The following THOC1 variants were observed in gnomAD, a reference collection of about 807,000 sequenced individuals.
The protein encoded by THOC1 is THO complex 1.
A neutral mutation model predicts 97.3 loss-of-function variants in THOC1; 29 were observed. That is an observed-to-expected ratio of 0.30 (90% CI 0.22 to 0.41). THOC1 has a LOEUF of 0.41. Ranked by LOEUF, THOC1 falls within the 10% of genes least tolerant of loss-of-function variation. The pLI is 1.00. For synonymous variants in THOC1, 255 were observed against 257.0 expected (o/e 0.99, Z 0.07); for missense variants, 529 against 761.9 (o/e 0.69, Z 3.60).
chr18:246,293 A>G (rs1375609282), intron 11 of THOC1, 31 bp downstream of exon 11: 2 of 1,441,232 alleles, frequency 1.4e-6, no homozygotes, highest in Non-Finnish European at 9.5e-7. Flanking sequence ...ACCATTTCTT[A>G]TTATGCTTAA....
intron 7 of THOC1, among the ~76,000 whole-genome samples, chr18:256,403 A>G (rs1192476480): frequency 1.3e-5 from 2 of 152,260 alleles, no homozygotes; most frequent in African/African-American, 4.8e-5. Flanking sequence ...AAGTAACTGC[A>G]GATCTACGTA....
intron 4 of THOC1, chr18:263,418 A>G (rs908816794): frequency 1.3e-5 from 2 of 152,320 alleles, no homozygotes; most frequent in Admixed American, 6.6e-5. Context: ...GCCCTTTATA[A>G]ATGGACCTAA....
At chr18:235,587 GTTC>G (rs1282086706) in intron 11 of THOC1, among the ~76,000 whole-genome samples, 2 of 151,918 alleles carry the variant, frequency 1.3e-5, no homozygotes, top group East Asian at 1.9e-4. Context: ...TCCATTATGA[GTTC>G]TTCTTTAACT....
At chr18:221,696 C>G (rs1046258152) in intron 17 of THOC1, among the ~76,000 whole-genome samples, 13 of 150,952 alleles carry the variant, frequency 8.6e-5, no homozygotes, top group South Asian at 2.1e-4. Context: ...GCAAGCTCCG[C>G]CTCCCAGGTT....
chr18:217,098 T>C (rs1450505861), intron 18 of THOC1, among the ~76,000 whole-genome samples: 2 of 152,372 alleles, frequency 1.3e-5, no homozygotes, highest in East Asian at 1.9e-4. Context: ...GTCAGAAATA[T>C]GCAATGCTGC....
At chr18:259,297 C>T (rs758153771) in intron 6 of THOC1, 22 bp from the exon 7 acceptor site, 27 of 1,546,674 alleles carry the variant, frequency 1.7e-5, no homozygotes, top group Middle Eastern at 1.7e-4. Flanking sequence ...TGAAAATGAA[C>T]GTTACACAGA....
At chr18:246,916 C>CAAAAAA (rs36101469) in intron 10 of THOC1, among the ~76,000 whole-genome samples, 1 of 98,226 alleles carries the variant, frequency 1.0e-5, no homozygotes, top group Non-Finnish European at 2.1e-5. Context: ...GGCTCCGTCT[C>CAAAAAA]AAAAAAAAAA....
intron 1 of THOC1, among the ~76,000 whole-genome samples, chr18:266,157 T>C (rs1201306811): frequency 6.6e-6 from 1 of 152,234 alleles, no homozygotes; most frequent in African/African-American, 2.4e-5. Flanking sequence ...AAAGTAATCA[T>C]AACTTAAAGA....
At chr18:241,734 C>T (rs1361092371) in intron 11 of THOC1, among the ~76,000 whole-genome samples, 1 of 152,192 alleles carries the variant, frequency 6.6e-6, no homozygotes. Flanking sequence ...ACTCATGGTA[C>T]TTAAACATTT....
chr18:264,156 T>A, intron 3 of THOC1, 64 bp from the exon 4 acceptor site: 1 of 1,009,934 alleles, frequency 9.9e-7, no homozygotes, highest in Non-Finnish European at 1.5e-6. Flanking sequence ...CGATTAACAG[T>A]AAAAACATGT....
At chr18:252,349 A>C (rs1484791629) in intron 9 of THOC1, among the ~76,000 whole-genome samples, 190 bp downstream of exon 9, 1 of 152,206 alleles carries the variant, frequency 6.6e-6, no homozygotes, top group South Asian at 2.1e-4. Flanking sequence ...GTCTGCACAT[A>C]ATATAGAAAC....
chr18:214,858 A>C lies in THOC1; in HGVS notation c.1742T>G (p.Leu581Arg). The C allele has an allele frequency of 6.2e-7, 1 of 1,613,920 alleles. No individual in the cohort carries two copies. The highest frequency in any genetic ancestry group is 1.1e-5 in the South Asian group (1 of 91,066). ...AGCCAGAATCTTCCATTGTTCACCC[A>C]GCTTGTTGGCAAATACCTCTATTTG... ...GEQIEVFANK[L>R]GEQWKILAPY... Residue 581 changes from leucine (L) to arginine (R), a missense_variant, in exon 21 of 21, where the codon CTG becomes CGG. Physicochemically the swap from Leu to Arg is moderately radical, Grantham distance 102 (BLOSUM62 -2). Coordinates refer to ENST00000261600, the MANE Select transcript of THOC1 (RefSeq NM_005131.3).
chr18:264,616 A>G (rs1238312886), intron 3 of THOC1, among the ~76,000 whole-genome samples: 1 of 152,246 alleles, frequency 6.6e-6, no homozygotes, highest in East Asian at 1.9e-4. Flanking sequence ...AGCACAGAAA[A>G]GGAAAAGAAC....
chr18:246,374 T>C lies in THOC1; in HGVS notation c.868A>G (p.Lys290Glu), dbSNP rs758539672. ...QASRKKMEEL[K>E]TGGEHVYFAK... The stretch of plus-strand genomic sequence containing the variant: ...AAATATACATGTTCTCCTCCTGTTT[T>C]CAATTCTTCCATCTTTTTTCTTGAG... Residue 290 changes from lysine (K) to glutamate (E), a missense_variant, in exon 11 of 21, where the codon AAA (lysine) becomes GAA (glutamate). Lys to Glu is a moderately conservative substitution (Grantham distance 56, BLOSUM62 1). Transcript: ENST00000261600. 3.7e-6 allele frequency: 6 copies of C among 1,604,254 alleles called. No homozygotes were observed. In the East Asian group the frequency reaches 1.3e-4, roughly 36 times the overall value.
At chr18:237,300 G>C (rs1911742030) in intron 11 of THOC1, among the ~76,000 whole-genome samples, 1 of 151,794 alleles carries the variant, frequency 6.6e-6, no homozygotes, top group African/African-American at 2.4e-5. Context: ...GGGACTACAG[G>C]TGCGCACTAC....
chr18:265,003 C>T (rs1912717905), intron 3 of THOC1: 1 of 308,978 alleles, frequency 3.2e-6, no homozygotes, highest in South Asian at 4.9e-5. Flanking sequence ...TGTATCACTG[C>T]TTATACAGGA....
intron 11 of THOC1, among the ~76,000 whole-genome samples, chr18:236,595 C>A (rs1458184596): frequency 2.6e-5 from 4 of 151,808 alleles, no homozygotes; most frequent in African/African-American, 7.3e-5. Context: ...GATCTCCTGA[C>A]CTCGTGATCC....
rs1409101855 is a variant in THOC1 at position 224,143 on chromosome 18, C to T, written c.1245G>A (p.Lys415=). ...SDTKPTRIIR[K]RTAPEDFLGK... ...CTAGGAAGTCCTCGGGTGCTGTTCT[C>T]TTCCGAATTATTCTCGTAGGTTTGG... The change falls in exon 16 of 21, where the codon AAG becomes AAA. Residue 415 remains lysine, a synonymous_variant. Transcript: ENST00000261600. 1 of 1,611,320 alleles carries T rather than the reference C, an allele frequency of 6.2e-7. No individual in the cohort carries two copies. Among genetic ancestry groups the T allele is most frequent in the South Asian group, 1.1e-5 (1 of 90,286 alleles).
chr18:247,540 A>G (rs1432218750), intron 10 of THOC1, among the ~76,000 whole-genome samples: 1 of 152,234 alleles, frequency 6.6e-6, no homozygotes, highest in Non-Finnish European at 1.5e-5. Context: ...TGTTTCAACA[A>G]GATAGCTAAA....
Sources: allele counts gnomAD v4.1 joint callset (sites outside exome capture counted in the v4.1 genomes callset), GRCh38; gene constraint gnomAD v4.1.1; transcripts MANE v1.5; gene names NCBI Gene and HGNC (gene_info 2026-07-23, HGNC 2026-07-21).